The following RTL4 variants were observed in gnomAD, a reference collection of about 807,000 sequenced individuals.
RTL4 encodes retrotransposon Gag-like protein 4.
Under a neutral mutation model 5.3 loss-of-function variants are expected in RTL4, and 4 were observed. That is an observed-to-expected ratio of 0.75 (90% CI 0.37 to 1.72). The LOEUF (loss-of-function observed/expected upper bound fraction) is 1.72, where lower values mean the gene tolerates loss of function less well. Ranked by LOEUF, RTL4 falls within the 40% of genes most tolerant of loss-of-function variation. The pLI is 0.04. For missense variants in RTL4, 260 were observed against 227.1 expected (o/e 1.14, Z -0.93); for synonymous variants, 98 against 87.3 (o/e 1.12, Z -0.68).
the RTL4 span, among the ~76,000 whole-genome samples, chrX:112,327,081 C>T: frequency 8.9e-6 from 1 of 112,069 alleles, no homozygotes; most frequent in African/African-American, 3.2e-5. Context: ...AAACTGGAAA[C>T]TCTAAAAAGC....
the RTL4 span, among the ~76,000 whole-genome samples, chrX:112,254,811 T>C: frequency 8.9e-6 from 1 of 111,777 alleles, no homozygotes; most frequent in Non-Finnish European, 1.9e-5. Flanking sequence ...ATGACTCTCA[T>C]ACAAGTATAA....
At chrX:112,285,616 T>C in the RTL4 span, among the ~76,000 whole-genome samples, 10 of 111,822 alleles carry the variant, frequency 8.9e-5, no homozygotes, top group African/African-American at 3.2e-4. Context: ...GTATTCATCA[T>C]ATCAGTCTTT....
the RTL4 span, among the ~76,000 whole-genome samples, chrX:112,353,801 T>C: frequency 9.0e-6 from 1 of 110,644 alleles, no homozygotes; most frequent in African/African-American, 3.3e-5. Flanking sequence ...ACCTGCACAT[T>C]ATGCACATGT....
the RTL4 span, among the ~76,000 whole-genome samples, chrX:112,315,501 G>C: frequency 1.8e-5 from 2 of 111,425 alleles, no homozygotes; most frequent in African/African-American, 6.5e-5. Context: ...AAATTCATGT[G>C]AATCTGGCAT....
the RTL4 span, among the ~76,000 whole-genome samples, chrX:112,425,953 A>G: frequency 9.0e-6 from 1 of 111,619 alleles, no homozygotes; most frequent in African/African-American, 3.2e-5. Context: ...CAGCTTCTCA[A>G]TTATTTATTT....
the RTL4 span, among the ~76,000 whole-genome samples, chrX:112,443,176 C>T: frequency 2.7e-5 from 3 of 111,749 alleles, no homozygotes; most frequent in East Asian, 2.8e-4. Flanking sequence ...TAGGTAAGAA[C>T]GTGAGATGTT....
At chrX:112,107,396 T>A in the RTL4 span, among the ~76,000 whole-genome samples, 4 of 112,370 alleles carry the variant, frequency 3.6e-5, no homozygotes, top group African/African-American at 9.7e-5. Flanking sequence ...ATACATACTT[T>A]TTTCAGCATG....
the RTL4 span, among the ~76,000 whole-genome samples, chrX:112,192,338 A>T: frequency 1.2e-3 from 133 of 110,157 alleles, no homozygotes; most frequent in African/African-American, 4.4e-3. Context: ...CTTATTTCCA[A>T]TCTTAGGGGA....
At chrX:112,094,246 G>T in the RTL4 span, among the ~76,000 whole-genome samples, 199 of 111,793 alleles carry the variant, frequency 1.8e-3, no homozygotes, top group African/African-American at 6.2e-3. Context: ...CTTAGTGATG[G>T]ATCGAATATG....
chrX:112,197,774 T>C, the RTL4 span, among the ~76,000 whole-genome samples: 6 of 111,840 alleles, frequency 5.4e-5, no homozygotes. Flanking sequence ...AATTTTCTTA[T>C]ATTTGTTTTT....
At chrX:112,119,364 A>G in the RTL4 span, among the ~76,000 whole-genome samples, 1 of 110,446 alleles carries the variant, frequency 9.1e-6, no homozygotes, top group Admixed American at 9.7e-5. Context: ...AGGAGAGAAA[A>G]GGGATCATTG....
At chrX:112,296,608 CTTCT>C in the RTL4 span, among the ~76,000 whole-genome samples, 2 of 96,767 alleles carry the variant, frequency 2.1e-5, no homozygotes, top group Non-Finnish European at 4.1e-5. Flanking sequence ...CTTTTCTTTT[CTTCT>C]TTTTTTTTTT....
chrX:112,112,749 C>T, the RTL4 span, among the ~76,000 whole-genome samples: 1 of 111,705 alleles, frequency 9.0e-6, no homozygotes, highest in Non-Finnish European at 1.9e-5. Context: ...CAGTGCCTGA[C>T]CAAACAGATG....
the RTL4 span, among the ~76,000 whole-genome samples, chrX:112,395,981 A>G: frequency 9.0e-6 from 1 of 110,992 alleles, no homozygotes; most frequent in Non-Finnish European, 1.9e-5. Context: ...TTGTTATGGT[A>G]AGAATTTAGA....
chrX:112,234,326 C>A, the RTL4 span, among the ~76,000 whole-genome samples: 1 of 111,801 alleles, frequency 8.9e-6, no homozygotes, highest in African/African-American at 3.3e-5. Flanking sequence ...CACTCTTATC[C>A]CCTTGTTTCT....
At chrX:112,278,107 A>T in the RTL4 span, among the ~76,000 whole-genome samples, 1 of 112,380 alleles carries the variant, frequency 8.9e-6, no homozygotes, top group Non-Finnish European at 1.9e-5. Flanking sequence ...AGAAATATAA[A>T]TAATTTTTGT....
chrX:112,129,039 C>T, the RTL4 span, among the ~76,000 whole-genome samples: 64 of 111,064 alleles, frequency 5.8e-4, no homozygotes, highest in South Asian at 1.1e-3. Context: ...ATTGAATAGA[C>T]GTTTACCCAA....
chrX:112,419,037 T>G, the RTL4 span, among the ~76,000 whole-genome samples: 1 of 99,138 alleles, frequency 1.0e-5, no homozygotes, highest in East Asian at 3.2e-4. Flanking sequence ...ATAAGATATA[T>G]ATATATATAT....
the RTL4 span, among the ~76,000 whole-genome samples, chrX:112,369,892 T>C: frequency 3.6e-5 from 4 of 112,045 alleles, no homozygotes; most frequent in Non-Finnish European, 7.5e-5. Flanking sequence ...GATTTCCTGA[T>C]GGATTGAATG....
Sources: gnomAD v4.1 joint callset for allele counts (sites outside exome capture counted in the v4.1 genomes callset) on GRCh38, gnomAD v4.1.1 for gene constraint, MANE v1.5 for transcripts, NCBI Gene and HGNC (gene_info 2026-07-23, HGNC 2026-07-21) for gene names.